TEX264: variants seen among roughly 807,000 people sequenced by gnomAD.
The protein encoded by TEX264 is testis-expressed protein 264.
A neutral mutation model predicts 23.4 loss-of-function variants in TEX264; 13 were observed. The ratio of observed to expected loss-of-function variants is 0.56; its 90% CI spans 0.36 to 0.88. The LOEUF (loss-of-function observed/expected upper bound fraction) is 0.88, where lower values mean the gene tolerates loss of function less well. TEX264 is among the 40% of genes least tolerant of loss of function. TEX264 has a pLI of 0.01. For synonymous variants in TEX264, 159 were observed against 170.0 expected (o/e 0.94, Z 0.50); for missense variants, 340 against 406.8 (o/e 0.84, Z 1.41).
intron 3 of TEX264, among the ~76,000 whole-genome samples, chr3:51,689,526 A>G (rs1702751109): frequency 6.6e-6 from 1 of 151,404 alleles, no homozygotes; most frequent in Non-Finnish European, 1.5e-5. Context: ...TAGTTCTCAG[A>G]CTGCCCTGGC....
At chr3:51,684,259 A>G (rs1702532452) in intron 2 of TEX264, 154 bp from the exon 3 acceptor site, 1 of 665,974 alleles carries the variant, frequency 1.5e-6, no homozygotes, top group South Asian at 1.9e-5. Flanking sequence ...GGTTCCAGTA[A>G]GAAAATAGCT....
chr3:51,673,508 C>A lies in TEX264; in HGVS notation c.-34-763C>A, dbSNP rs549090839. Among the ~76,000 whole-genome samples, 9 of 152,356 alleles carry A rather than the reference C, an allele frequency of 5.9e-5. No individual in the cohort carries two copies. The East Asian group carries it at 1.7e-3, about 29-fold the overall frequency. ...CCCTTTTAGCAGCCTTTTCCTCTTA[C>A]TACTCACTGTTTCTTCTGTGGGCTG... is the stretch of plus-strand genomic sequence containing the variant. On this transcript the variant is annotated intron_variant, in intron 1 of 4. Coordinates refer to ENST00000341333, the MANE Select transcript of TEX264 (RefSeq NM_015926.6).
At chr3:51,692,481 C>T (rs1256897897) in intron 3 of TEX264, among the ~76,000 whole-genome samples, 1 of 152,090 alleles carries the variant, frequency 6.6e-6, no homozygotes, top group Non-Finnish European at 1.5e-5. Flanking sequence ...AAATTCAGGG[C>T]CTTCTCCTTC....
chr3:51,671,372 C>T (rs1455817497), intron 1 of TEX264, 84 bp downstream of exon 1: 3 of 152,594 alleles, frequency 2.0e-5, no homozygotes, highest in Admixed American at 6.5e-5. Context: ...GACCTCAGGA[C>T]TCTCCGTGTC....
intron 2 of TEX264, among the ~76,000 whole-genome samples, chr3:51,677,365 C>T: frequency 6.6e-6 from 1 of 152,124 alleles, no homozygotes; most frequent in East Asian, 1.9e-4. Context: ...TTTTTGTCCC[C>T]TAGGCTGCCT....
intron 4 of TEX264, among the ~76,000 whole-genome samples, chr3:51,699,909 C>T (rs1020665585): frequency 2.6e-5 from 4 of 152,178 alleles, no homozygotes; most frequent in Non-Finnish European, 4.4e-5. Context: ...GGGGCTGAGG[C>T]TGCTCAGGAA....
chr3:51,674,247 C>T, intron 1 of TEX264, 24 bp from the exon 2 acceptor site: 4 of 1,605,900 alleles, frequency 2.5e-6, no homozygotes, highest in South Asian at 2.2e-5. Context: ...TACCAGCCTC[C>T]TCTCCCTTCT....
intron 2 of TEX264, among the ~76,000 whole-genome samples, chr3:51,676,735 C>CTTA (rs767920209): frequency 2.1e-4 from 32 of 152,240 alleles, no homozygotes; most frequent in Non-Finnish European, 4.1e-4. Flanking sequence ...CAGCACTTAG[C>CTTA]CCTCAACAGA....
At chr3:51,699,369 G>T in intron 3 of TEX264, 37 bp from the exon 4 acceptor site, 2 of 1,608,040 alleles carry the variant, frequency 1.2e-6, no homozygotes, top group Admixed American at 1.7e-5. Context: ...CAGGGGCCCT[G>T]TAGGGCTCAT....
intron 2 of TEX264, among the ~76,000 whole-genome samples, chr3:51,678,429 G>A (rs1284530527): frequency 6.6e-6 from 1 of 152,230 alleles, no homozygotes; most frequent in Non-Finnish European, 1.5e-5. Context: ...CTGCTGCTAT[G>A]TTTGGGGCTT....
intron 1 of TEX264, among the ~76,000 whole-genome samples, chr3:51,674,040 C>T (rs1702145827): frequency 6.6e-6 from 1 of 152,188 alleles, no homozygotes; most frequent in African/African-American, 2.4e-5. Flanking sequence ...GTTTGAGCTG[C>T]TCTGAGATCC....
At chr3:51,676,435 G>T (rs1361976178) in intron 2 of TEX264, among the ~76,000 whole-genome samples, 1 of 152,202 alleles carries the variant, frequency 6.6e-6, no homozygotes, top group East Asian at 1.9e-4. Flanking sequence ...ACTGCCTCCT[G>T]CAGCTTTCCC....
At chr3:51,699,724 C>A in intron 4 of TEX264, 150 bp downstream of exon 4, 1 of 831,682 alleles carries the variant, frequency 1.2e-6, no homozygotes. Flanking sequence ...ACCCACCTAC[C>A]TGAGGACCCA....
At chr3:51,701,912 G>A (rs1295482760) in intron 4 of TEX264, among the ~76,000 whole-genome samples, 4 of 152,230 alleles carry the variant, frequency 2.6e-5, no homozygotes, top group African/African-American at 4.8e-5. Context: ...GATTACAGGC[G>A]TGAGCCACCG....
At chr3:51,679,337 C>T (rs1702342720) in intron 2 of TEX264, among the ~76,000 whole-genome samples, 1 of 152,180 alleles carries the variant, frequency 6.6e-6, no homozygotes. Flanking sequence ...GCCTGAGGAC[C>T]TCATGCCACT....
rs1305198406 is a variant in TEX264, at chr3:51,703,736, TG to T, written c.663del (p.Met221IlefsTer7). The T allele has an allele frequency of 6.3e-7, 1 of 1,588,438 alleles. No homozygotes were observed. Among genetic ancestry groups the T allele is most frequent in the African/African-American group, 1.3e-5 (1 of 74,516 alleles). On this transcript the variant is annotated frameshift_variant, in exon 5 of 5. Coordinates refer to ENST00000341333, the MANE Select transcript of TEX264 (RefSeq NM_015926.6). LOFTEE classifies it high-confidence loss of function. This position sits in a 1 kb window ranked among gnomAD's most constrained non-coding sequence, Gnocchi z 4.8. ...TTCCTGGTCATAGGAGCTGACACAA[TG>T]AGTGACACGAGTTCTGTAAGCTTGG... The part of the protein sequence containing the change: ...TQVDGTGADT[M>X]SDTSSVSLEV...
At chr3:51,679,304 T>C (rs1702342296) in intron 2 of TEX264, among the ~76,000 whole-genome samples, 1 of 152,196 alleles carries the variant, frequency 6.6e-6, no homozygotes, top group African/African-American at 2.4e-5. Flanking sequence ...AATAGGTGGG[T>C]GTCACACTTG....
chr3:51,680,380 C>T (rs1349162259), intron 2 of TEX264, among the ~76,000 whole-genome samples: 4 of 152,166 alleles, frequency 2.6e-5, no homozygotes, highest in Admixed American at 1.3e-4. Flanking sequence ...ACAATAGGGT[C>T]GGCAGGGCAC....
Position 51,704,055 on chromosome 3 carries a change from A to T in TEX264, c.*39A>T. The T allele has an allele frequency of 7.0e-7, 1 of 1,422,658 alleles. No individual in the cohort carries two copies. Among genetic ancestry groups the T allele is most frequent in the Admixed American group, 2.6e-5 (1 of 38,022 alleles). The allele number at this position is 1,422,658 out of a possible 1,614,324, so 88.1% of individuals were successfully genotyped here. A position where few individuals can be genotyped will look rare whatever the true frequency, so the allele number is the denominator to read the frequency against. ...CCCTCCTGCAGTGCAGTTGCTGAGG[A>T]ACTGAGCAGACTCTCCAGCAGACTC... On this transcript the variant is annotated 3_prime_UTR_variant, in exon 5 of 5. Coordinates refer to ENST00000341333, the MANE Select transcript of TEX264 (RefSeq NM_015926.6).
Sources: gnomAD v4.1 joint callset for allele counts (sites outside exome capture counted in the v4.1 genomes callset) on GRCh38, gnomAD v4.1.1 for gene constraint, Gnocchi (gnomAD v3.1) non-coding constraint, MANE v1.5 for transcripts, NCBI Gene and HGNC (gene_info 2026-07-23, HGNC 2026-07-21) for gene names.